POTEJ: variants seen among roughly 807,000 people sequenced by gnomAD.
POTEJ encodes POTE ankyrin domain family member J, also known as POTE ankyrin domain family, member J.
Under a neutral mutation model 69.0 loss-of-function variants are expected in POTEJ, and 11 were observed. The observed-to-expected ratio is 0.16, with a 90% CI of 0.10 to 0.26. The LOEUF (loss-of-function observed/expected upper bound fraction) is 0.26. POTEJ is among the 10% of genes least tolerant of loss of function. The probability of loss-of-function intolerance (pLI) is 1.00; values close to 1 mark genes in which losing one functional copy is unlikely to be tolerated. For missense variants in POTEJ, 327 were observed against 1,045.5 expected (o/e 0.31, Z 9.48); for synonymous variants, 117 against 381.1 (o/e 0.31, Z 8.07).
chr2:130,613,304 GTATATATACATATATATACATA>G (rs1371006349), intron 1 of POTEJ, among the ~76,000 whole-genome samples: 5 of 87,420 alleles, frequency 5.7e-5, no homozygotes, highest in African/African-American at 1.8e-4. Context: ...ATATACATAT[GTATATATACATATATATACATA>G]TGTATATATA....
chr2:130,612,479 C>A (rs1685244741), intron 1 of POTEJ, among the ~76,000 whole-genome samples: 2 of 152,256 alleles, frequency 1.3e-5, no homozygotes, highest in African/African-American at 4.8e-5. Flanking sequence ...AAGATGTGAG[C>A]TTTTTGGCTG....
At chr2:130,655,396 T>C (rs1392598316) in intron 14 of POTEJ, among the ~76,000 whole-genome samples, 1 of 152,206 alleles carries the variant, frequency 6.6e-6, no homozygotes, top group East Asian at 1.9e-4. Flanking sequence ...GAGAAGTCAA[T>C]TGATTATTTT....
At chr2:130,634,504 T>TA in intron 9 of POTEJ, among the ~76,000 whole-genome samples, 1 of 112,256 alleles carries the variant, frequency 8.9e-6, no homozygotes, top group Middle Eastern at 3.9e-3. Context: ...AAACTTTTAG[T>TA]ATTTCTTGGT....
At chr2:130,611,278 T>G (rs1190252768), upstream of POTEJ, among the ~76,000 whole-genome samples, 5 of 109,974 alleles carry the variant, frequency 4.5e-5, no homozygotes, top group African/African-American at 2.0e-4. Context: ...GGCATTCCCT[T>G]GGGTGGGCTG....
intron 13 of POTEJ, among the ~76,000 whole-genome samples, chr2:130,649,262 G>A (rs1354902313): frequency 1.3e-5 from 2 of 151,738 alleles, no homozygotes; most frequent in Non-Finnish European, 2.9e-5. Flanking sequence ...GGCTACTGAT[G>A]TCCTTCCTGA....
chr2:130,624,858 G>T (rs2105210361), intron 6 of POTEJ, among the ~76,000 whole-genome samples: 1 of 152,220 alleles, frequency 6.6e-6, no homozygotes, highest in East Asian at 1.9e-4. Flanking sequence ...TTACTTTGTT[G>T]GAACAAGATG....
intron 10 of POTEJ, among the ~76,000 whole-genome samples, chr2:130,639,050 A>T (rs1198192520): frequency 6.6e-6 from 1 of 152,282 alleles, no homozygotes; most frequent in Non-Finnish European, 1.5e-5. Context: ...AACAGGGTTC[A>T]TGCTCCTATG....
At chr2:130,641,473 G>C (rs989992192) in intron 10 of POTEJ, among the ~76,000 whole-genome samples, 2 of 148,616 alleles carry the variant, frequency 1.3e-5, no homozygotes, top group African/African-American at 2.5e-5. Context: ...AAGTCATTTT[G>C]TAAATGTTTG....
intron 1 of POTEJ, among the ~76,000 whole-genome samples, chr2:130,613,281 T>TATATATACAC (rs1553475771): frequency 3.6e-5 from 2 of 55,278 alleles, no homozygotes; most frequent in African/African-American, 5.1e-4. Context: ...TATACATATG[T>TATATATACAC]ATATATACAT....
At chr2:130,648,594 T>G (rs1205313881) in intron 13 of POTEJ, among the ~76,000 whole-genome samples, 2 of 132,692 alleles carry the variant, frequency 1.5e-5, no homozygotes, top group Non-Finnish European at 3.1e-5. Flanking sequence ...CAGCAATATT[T>G]GAGCCAATGG....
intron 10 of POTEJ, among the ~76,000 whole-genome samples, chr2:130,638,986 C>T (rs1234799876): frequency 1.3e-5 from 2 of 152,220 alleles, no homozygotes; most frequent in Admixed American, 6.5e-5. Flanking sequence ...GATCATCAGG[C>T]ATTAGATTCT....
chr2:130,637,823 T>G (rs1213758185), intron 9 of POTEJ, among the ~76,000 whole-genome samples: 3 of 151,374 alleles, frequency 2.0e-5, no homozygotes, highest in Non-Finnish European at 4.4e-5. Flanking sequence ...AACATCTGGC[T>G]GAGAGTTTGA....
chr2:130,639,455 G>T (rs1573987778), intron 10 of POTEJ, among the ~76,000 whole-genome samples: 1 of 152,280 alleles, frequency 6.6e-6, no homozygotes, highest in East Asian at 1.9e-4. Context: ...TAATTGTCAT[G>T]ATAACAGTAA....
chr2:130,641,481 T>A (rs1405888492), intron 10 of POTEJ, among the ~76,000 whole-genome samples: 1 of 148,800 alleles, frequency 6.7e-6, no homozygotes, highest in Non-Finnish European at 1.5e-5. Flanking sequence ...TTGTAAATGT[T>A]TGTGTTCCCA....
At chr2:130,650,191 C>T (rs1489293466) in intron 13 of POTEJ, among the ~76,000 whole-genome samples, 1 of 152,278 alleles carries the variant, frequency 6.6e-6, no homozygotes, top group African/African-American at 2.4e-5. Context: ...TTGACATCAA[C>T]TCTGTTAACA....
intron 6 of POTEJ, among the ~76,000 whole-genome samples, chr2:130,626,697 T>C (rs71230304): frequency 5.9e-5 from 9 of 152,160 alleles, no homozygotes; most frequent in South Asian, 2.1e-4. Context: ...AGGAAGTTTT[T>C]GCAGTAGTCA....
chr2:130,639,178 C>G (rs1686233581), intron 10 of POTEJ, among the ~76,000 whole-genome samples: 2 of 152,310 alleles, frequency 1.3e-5, no homozygotes, highest in Admixed American at 1.3e-4. Context: ...CGCACCTCCT[C>G]CTGTGTGGCA....
intron 6 of POTEJ, among the ~76,000 whole-genome samples, chr2:130,628,233 C>T (rs1685781949): frequency 7.5e-6 from 1 of 132,946 alleles, no homozygotes; most frequent in Non-Finnish European, 1.6e-5. Context: ...CCTGTGTGCC[C>T]TTTCTCTGGC....
At chr2:130,646,724 G>A (rs1340644366) in intron 13 of POTEJ, among the ~76,000 whole-genome samples, 1 of 137,248 alleles carries the variant, frequency 7.3e-6, no homozygotes, top group Admixed American at 7.2e-5. Flanking sequence ...GTAGGCCCCA[G>A]TGTATGTTAT....
Sources: allele counts gnomAD v4.1 joint callset (sites outside exome capture counted in the v4.1 genomes callset), GRCh38; gene constraint gnomAD v4.1.1; transcripts MANE v1.5; gene names NCBI Gene and HGNC (gene_info 2026-07-23, HGNC 2026-07-21).